The following ZNF468 variants were observed in gnomAD, a reference collection of about 807,000 sequenced individuals.
ZNF468 encodes the protein zinc finger protein 468, also known as zinc finger protein ZNF468.
ZNF468 carries 8 observed loss-of-function variants against 7.2 expected under a neutral mutation model. That is an observed-to-expected ratio of 1.11 (90% CI 0.65 to 2.01). The LOEUF (loss-of-function observed/expected upper bound fraction) is 2.01, where lower values mean the gene tolerates loss of function less well. Among genes scored for constraint, ZNF468 ranks in the 30% most tolerant of loss-of-function variants. The probability of loss-of-function intolerance (pLI) is 0.00; values close to 1 mark genes in which losing one functional copy is unlikely to be tolerated. For missense variants in ZNF468, 608 were observed against 626.5 expected (o/e 0.97, Z 0.31); for synonymous variants, 218 against 214.4 (o/e 1.02, Z -0.15).
At chr19:52,851,464 C>T (rs1256490166) in intron 2 of ZNF468, among the ~76,000 whole-genome samples, 1 of 152,112 alleles carries the variant, frequency 6.6e-6, no homozygotes, top group African/African-American at 2.4e-5. Context: ...GTATTCCCAG[C>T]TACTCAGGAG....
chr19:52,843,120 C>CAAAAAAAAAA (rs11356842), intron 3 of ZNF468, among the ~76,000 whole-genome samples: 1 of 68,684 alleles, frequency 1.5e-5, no homozygotes. Flanking sequence ...GACTCTGTCT[C>CAAAAAAAAAA]AAAAAAAAAA....
intron 3 of ZNF468, among the ~76,000 whole-genome samples, chr19:52,846,176 T>TA (rs1173664481): frequency 1.3e-5 from 2 of 152,086 alleles, no homozygotes; most frequent in Non-Finnish European, 2.9e-5. Flanking sequence ...CTGACATAAA[T>TA]AAAAAAATTC....
intron 3 of ZNF468, among the ~76,000 whole-genome samples, chr19:52,845,935 A>G (rs1357179240): frequency 1.3e-5 from 2 of 151,456 alleles, no homozygotes; most frequent in African/African-American, 4.9e-5. Flanking sequence ...CCCGAGACGC[A>G]GAGTTTGGAG....
At chr19:52,843,841 G>T (rs1430225048) in intron 3 of ZNF468, among the ~76,000 whole-genome samples, 1 of 152,116 alleles carries the variant, frequency 6.6e-6, no homozygotes, top group African/African-American at 2.4e-5. Flanking sequence ...TTGACTAGCG[G>T]CCGGGTGCAG....
intron 3 of ZNF468, among the ~76,000 whole-genome samples, chr19:52,848,816 A>G (rs1021732752): frequency 4.6e-5 from 7 of 152,060 alleles, no homozygotes; most frequent in Admixed American, 1.3e-4. Flanking sequence ...CTCCCAAGGT[A>G]CTGGGATGAC....
At chr19:52,845,623 C>T (rs1214012305) in intron 3 of ZNF468, among the ~76,000 whole-genome samples, 1 of 152,050 alleles carries the variant, frequency 6.6e-6, no homozygotes, top group Non-Finnish European at 1.5e-5. Context: ...CACACCACTG[C>T]ACTCCAGCCC....
intron 3 of ZNF468, among the ~76,000 whole-genome samples, chr19:52,844,931 T>C (rs1170272321): frequency 6.6e-6 from 1 of 152,134 alleles, no homozygotes; most frequent in Non-Finnish European, 1.5e-5. Flanking sequence ...CAAATCTTAT[T>C]AAACAAAGGA....
intron 2 of ZNF468, 178 bp downstream of exon 2, chr19:52,854,080 C>A: frequency 6.6e-7 from 1 of 1,525,978 alleles, no homozygotes; most frequent in South Asian, 1.2e-5. Flanking sequence ...TTCCCAAGTT[C>A]ATGACACTGG....
rs770213625 is a variant in ZNF468, at chr19:52,841,899, C to T, written c.395G>A (p.Gly132Glu). Residue 132 changes from glycine to glutamate, a missense_variant, in exon 4 of 4, where the codon GGA becomes GAA. Transcript: ENST00000595646. ...STGQHDQRHA[G>E]NKRIKDQLGS... is the part of the protein sequence containing the mutation. ...AAGCTGATCTTTAATACGCTTGTTTCCAGCATGCCTTTGATCATGTTGGCC... is the reference window on the plus strand; with the variant it reads ...AAGCTGATCTTTAATACGCTTGTTTTCAGCATGCCTTTGATCATGTTGGCC... 5.0e-5 allele frequency: 80 copies of T among 1,613,962 alleles called. No individual in the cohort carries two copies. Among genetic ancestry groups the T allele is most frequent in the Non-Finnish European group, 5.7e-5 (67 of 1,180,012 alleles).
At chr19:52,844,259 C>A (rs2063326672) in intron 3 of ZNF468, among the ~76,000 whole-genome samples, 3 of 152,192 alleles carry the variant, frequency 2.0e-5, no homozygotes, top group Admixed American at 6.5e-5. Flanking sequence ...AGGACTAGTG[C>A]ATTTATAAAG....
intron 1 of ZNF468, among the ~76,000 whole-genome samples, chr19:52,856,867 G>A (rs1159937231): frequency 1.3e-5 from 2 of 151,880 alleles, no homozygotes; most frequent in African/African-American, 2.4e-5. Flanking sequence ...CTCTGTCTCA[G>A]GTTTTCTACT....
Position 52,841,253 on chromosome 19 carries a change from TA to T in ZNF468, c.1040del (p.Ile347AsnfsTer137). On this transcript the variant is annotated frameshift_variant, in exon 4 of 4. Coordinates refer to ENST00000595646, the MANE Select transcript of ZNF468 (RefSeq NM_001008801.2). LOFTEE classifies it low-confidence loss of function (END_TRUNC). Reference protein sequence around the residue: ...AYNSYLAKHTILHTGEKPYTC... With the variant: ...AYNSYLAKHTXLHTGEKPYTC... ...TGTAAGGTTTCTCTCCAGTGTGAAGTATAGTATGTTTTGCCAGATATGAATT... is the reference window on the plus strand; with the variant it reads ...TGTAAGGTTTCTCTCCAGTGTGAAGTTAGTATGTTTTGCCAGATATGAATT... The T allele has an allele frequency of 3.7e-6, 6 of 1,613,756 alleles. No homozygotes were observed. The highest frequency in any genetic ancestry group is 4.2e-6 in the Non-Finnish European group (5 of 1,179,940).
intron 1 of ZNF468, among the ~76,000 whole-genome samples, chr19:52,854,944 C>T (rs2147747115): frequency 6.6e-6 from 1 of 152,124 alleles, no homozygotes; most frequent in East Asian, 1.9e-4. Context: ...ACTGCTTGAA[C>T]CTGCGCGACC....
chr19:52,854,145 G>T (rs947799871), intron 2 of ZNF468, 113 bp downstream of exon 2: 2 of 1,599,218 alleles, frequency 1.3e-6, no homozygotes, highest in African/African-American at 1.3e-5. Context: ...AGGCATAAGT[G>T]AGGGTGAGCA....
At position 52,849,391 on chromosome 19, in the gene ZNF468, G is replaced by A; in HGVS notation, c.16-178C>T. The A allele has an allele frequency of 7.1e-6, 9 of 1,271,590 alleles. 1 individual carries two copies. The highest frequency in any genetic ancestry group is 9.5e-6 in the Non-Finnish European group (9 of 943,354). 78.8% of individuals were successfully genotyped at this position (1,271,590 alleles called of 1,614,324 possible). ...CCAGATGTATTTTATTACACTTTTT[G>A]AGTATTATCAAGACATACTCTCAGT... is the stretch of plus-strand genomic sequence containing the variant. On this transcript the variant is annotated intron_variant, in intron 2 of 3. Transcript: ENST00000595646.
rs2063293700 is a variant in ZNF468 at position 52,841,107 on chromosome 19, G to A, written c.1187C>T (p.Ser396Leu). Reference sequence around the variant, plus strand: ...AATCCTCCTATGTCTTTCAAGGTGTGATTTGCGACTGAAAACTTTGTCACA... The same window carrying A: ...AATCCTCCTATGTCTTTCAAGGTGTAATTTGCGACTGAAAACTTTGTCACA... ...EECDKVFSRK[S>L]HLERHRRIHS... Residue 396 changes from serine to leucine, a missense_variant, in exon 4 of 4, where the codon TCA becomes TTA. Coordinates refer to ENST00000595646, the MANE Select transcript of ZNF468 (RefSeq NM_001008801.2). 55 of 1,613,908 alleles carry A rather than the reference G, an allele frequency of 3.4e-5. 1 individual carries two copies. Among genetic ancestry groups the A allele is most frequent in the Non-Finnish European group, 4.7e-5 (55 of 1,179,946 alleles).
At position 52,849,221 on chromosome 19, in the gene ZNF468, G is replaced by T; in HGVS notation, c.16-8C>A. 6.2e-7 allele frequency: 1 copy of T among 1,613,490 alleles called. No individual in the cohort carries two copies. Among genetic ancestry groups the T allele is most frequent in the Non-Finnish European group, 8.5e-7 (1 of 1,179,672 alleles). On this transcript the variant is annotated splice_region_variant and splice_polypyrimidine_tract_variant and intron_variant, in intron 2 of 3. Coordinates refer to ENST00000595646, the MANE Select transcript of ZNF468 (RefSeq NM_001008801.2). Reference sequence around the variant, plus strand: ...CCTGAATGTCAATAGACCCTGAAATGAAAACACATTTTAACCAAATGGTTA... The same window carrying T: ...CCTGAATGTCAATAGACCCTGAAATTAAAACACATTTTAACCAAATGGTTA...
At chr19:52,854,198 C>T (rs2063416532) in intron 2 of ZNF468, 60 bp downstream of exon 2, 2 of 1,612,638 alleles carry the variant, frequency 1.2e-6, no homozygotes, top group Non-Finnish European at 8.5e-7. Flanking sequence ...TTCCCAACTC[C>T]AAGGCCCAGG....
Position 52,841,505 on chromosome 19 carries a change from T to C in ZNF468, c.789A>G (p.Arg263=), listed in dbSNP as rs527889538. 2.5e-6 allele frequency: 4 copies of C among 1,614,156 alleles called. No homozygotes were observed. In the East Asian group the frequency reaches 6.7e-5, roughly 27 times the overall value. The change falls in exon 4 of 4, where the codon AGA becomes AGG. Residue 263 remains arginine, a synonymous_variant. Transcript: ENST00000595646. Reference sequence around the variant, plus strand: ...TGTAAGGTTTCTCACCAGTGTGACATCTACGATGGCAGGCAAGGTATCGCT... The same window carrying C: ...TGTAAGGTTTCTCACCAGTGTGACACCTACGATGGCAGGCAAGGTATCGCT... The part of the protein sequence containing the change: ...NQKRYLACHR[R]CHTGEKPYKC...
Sources: allele counts gnomAD v4.1 joint callset (sites outside exome capture counted in the v4.1 genomes callset), GRCh38; gene constraint gnomAD v4.1.1; transcripts MANE v1.5; gene names NCBI Gene and HGNC (gene_info 2026-07-23, HGNC 2026-07-21).